The following VWDE variants were observed in gnomAD, a reference collection of about 807,000 sequenced individuals.
VWDE encodes the protein von Willebrand factor D and EGF domain-containing protein.
Under a neutral mutation model 178.4 loss-of-function variants are expected in VWDE, and 207 were observed. The ratio of observed to expected loss-of-function variants is 1.16; its 90% CI spans 1.04 to 1.30. The LOEUF (loss-of-function observed/expected upper bound fraction) is 1.30, where lower values mean the gene tolerates loss of function less well. Among genes scored for constraint, VWDE ranks in the 50% most tolerant of loss-of-function variants. The probability of loss-of-function intolerance (pLI) is 0.00; values close to 1 mark genes in which losing one functional copy is unlikely to be tolerated. For missense variants in VWDE, 2,287 were observed against 1,901.3 expected (o/e 1.20, Z -3.77); for synonymous variants, 738 against 651.4 (o/e 1.13, Z -2.02).
At chr7:12,388,456 G>C (rs1295626438) in intron 3 of VWDE, among the ~76,000 whole-genome samples, 2 of 151,984 alleles carry the variant, frequency 1.3e-5, no homozygotes, top group Non-Finnish European at 2.9e-5. Flanking sequence ...ACCAAAATGA[G>C]GGAAGTTATT....
intron 1 of VWDE, among the ~76,000 whole-genome samples, chr7:12,401,173 C>T (rs972010498): frequency 6.6e-6 from 1 of 152,068 alleles, no homozygotes; most frequent in African/African-American, 2.4e-5. Flanking sequence ...CTACTCTCAC[C>T]TTTTCAATGC....
chr7:12,367,892 A>C lies in VWDE; in HGVS notation c.2762-399T>G, dbSNP rs1158696888. Among the ~76,000 whole-genome samples the C allele has an allele frequency of 5.3e-5, 8 of 152,246 alleles. No homozygotes were observed. The East Asian group carries it at 1.4e-3, about 26-fold the overall frequency. ...AATAAAATATAGTAGTTAGTAATGC[A>C]ATGTATTAAAATTTCAAAATGTCAT... is the stretch of plus-strand genomic sequence containing the variant. On this transcript the variant is annotated intron_variant, in intron 12 of 28. Coordinates refer to ENST00000275358, the MANE Select transcript of VWDE (RefSeq NM_001135924.3).
intron 12 of VWDE, 56 bp downstream of exon 12, chr7:12,369,489 A>G (rs1447320792): frequency 3.4e-6 from 5 of 1,458,774 alleles, no homozygotes; most frequent in South Asian, 1.5e-5. Context: ...AAGATCAAAC[A>G]CATTTTTATA....
chr7:12,358,687 A>AT (rs1342876591), intron 16 of VWDE, among the ~76,000 whole-genome samples: 1 of 152,218 alleles, frequency 6.6e-6, no homozygotes, highest in Non-Finnish European at 1.5e-5. Context: ...TTTAAAAGAC[A>AT]TGACATTTTT....
chr7:12,342,037 T>C (rs1177725680), intron 23 of VWDE, 22 bp downstream of exon 23: 1 of 1,528,938 alleles, frequency 6.5e-7, no homozygotes, highest in East Asian at 2.5e-5. Context: ...GACATGTTCA[T>C]TGAAAATATT....
intron 9 of VWDE, among the ~76,000 whole-genome samples, chr7:12,373,698 A>G (rs925105704): frequency 2.0e-5 from 3 of 152,222 alleles, no homozygotes; most frequent in African/African-American, 7.2e-5. Flanking sequence ...TCCCCTTTGC[A>G]AAAGCCAGCT....
At chr7:12,348,185 CA>C (rs1167191324) in intron 19 of VWDE, among the ~76,000 whole-genome samples, 17 of 111,454 alleles carry the variant, frequency 1.5e-4, no homozygotes, top group African/African-American at 7.0e-4. Flanking sequence ...ATGTCTAAAA[CA>C]CCAAAAGCAA....
At chr7:12,347,576 G>T (rs973737396) in intron 19 of VWDE, among the ~76,000 whole-genome samples, 1 of 151,992 alleles carries the variant, frequency 6.6e-6, no homozygotes, top group East Asian at 1.9e-4. Flanking sequence ...AGAAAGCTCA[G>T]AAATATATCT....
At position 12,380,691 on chromosome 7, in the gene VWDE, G is replaced by A; in HGVS notation, c.584C>T (p.Pro195Leu). 1 of 1,551,892 alleles carries A rather than the reference G, an allele frequency of 6.4e-7. No individual in the cohort carries two copies. Among genetic ancestry groups the A allele is most frequent in the Non-Finnish European group, 8.7e-7 (1 of 1,147,018 alleles). ...CTCAATCAACTCCACCAGAACCTCTGGCCTTCCTGCAGGTGGAGGTGGCAA... is the reference window on the plus strand; with the variant it reads ...CTCAATCAACTCCACCAGAACCTCTAGCCTTCCTGCAGGTGGAGGTGGCAA... ...ASLPPPPAGRPEVLVELIESR... is the reference protein window; with the variant it reads ...ASLPPPPAGRLEVLVELIESR... Residue 195 changes from proline to leucine, a missense_variant, in exon 5 of 29, where the codon CCA becomes CTA. Coordinates refer to ENST00000275358, the MANE Select transcript of VWDE (RefSeq NM_001135924.3).
chr7:12,398,924 A>G (rs569889870), intron 1 of VWDE, among the ~76,000 whole-genome samples: 2 of 152,246 alleles, frequency 1.3e-5, no homozygotes, highest in South Asian at 2.1e-4. Context: ...TAAGGGTTGA[A>G]AAACTACCTA....
Position 12,377,874 on chromosome 7 carries a change from T to C in VWDE, c.926A>G (p.Tyr309Cys), listed in dbSNP as rs772909476. Reference protein sequence around the residue: ...STISEDGKEYYLRIESTVPII... With the variant: ...STISEDGKEYCLRIESTVPII... ...AGGAACTGTGCTTTCTATCCTCAGG[T>C]AGTATTCTTTCCCATCCTCTGATAT... The change falls in exon 7 of 29, where the codon TAC (tyrosine) becomes TGC (cysteine). Residue 309 changes from tyrosine (Y) to cysteine (C), a missense_variant. Physicochemically the swap from Tyr to Cys is radical, Grantham distance 194. Transcript: ENST00000275358. The C allele has an allele frequency of 2.6e-6, 4 of 1,524,076 alleles. No individual in the cohort carries two copies. Among genetic ancestry groups the C allele is most frequent in the East Asian group, 2.5e-5 (1 of 39,880 alleles). The allele number at this position is 1,524,076 out of a possible 1,614,324, so 94.4% of individuals were successfully genotyped here.
chr7:12,362,412 TCTA>T (rs1782637542), intron 13 of VWDE, among the ~76,000 whole-genome samples: 1 of 152,122 alleles, frequency 6.6e-6, no homozygotes, highest in Non-Finnish European at 1.5e-5. Context: ...CTAAATAAAC[TCTA>T]CTTAGTTCAC....
chr7:12,346,661 C>A (rs867014659), intron 19 of VWDE, among the ~76,000 whole-genome samples: 1 of 151,990 alleles, frequency 6.6e-6, no homozygotes, highest in African/African-American at 2.4e-5. Flanking sequence ...CAAAATACTT[C>A]ATTTCCTTAT....
chr7:12,373,250 A>G lies in VWDE; in HGVS notation c.1317-3T>C, dbSNP rs1283241335. 4 of 1,548,690 alleles carry G rather than the reference A, an allele frequency of 2.6e-6. No individual in the cohort carries two copies. The highest frequency in any genetic ancestry group is 3.5e-6 in the Non-Finnish European group (4 of 1,146,206). On this transcript the variant is annotated splice_polypyrimidine_tract_variant and splice_region_variant and intron_variant, in intron 9 of 28. Transcript: ENST00000275358. ...CAGTCTTGAAATTATCATATACCCT[A>G]TCATTAACAAAAGGCAATTGCATTA...
chr7:12,357,641 C>T (rs1317482217), intron 16 of VWDE, 126 bp from the exon 17 acceptor site: 2 of 1,087,428 alleles, frequency 1.8e-6, no homozygotes, highest in African/African-American at 1.6e-5. Flanking sequence ...CTATTAGCTG[C>T]TTTCATTTTT....
In VWDE at chr7:12,343,185, A is replaced by G. The variant is rs953941135; in HGVS notation, c.4079-7T>C. ...CAAGGTGGGTTACAATGTTCTGCAGAAACAGATTATGTTATTATGTCAGTT... is the reference window on the plus strand; with the variant it reads ...CAAGGTGGGTTACAATGTTCTGCAGGAACAGATTATGTTATTATGTCAGTT... On this transcript the variant is annotated splice_region_variant and splice_polypyrimidine_tract_variant and intron_variant, in intron 21 of 28. Coordinates refer to ENST00000275358, the MANE Select transcript of VWDE (RefSeq NM_001135924.3). 3.2e-6 allele frequency: 5 copies of G among 1,543,132 alleles called. No homozygotes were observed. The highest frequency in any genetic ancestry group is 1.4e-5 in the African/African-American group (1 of 72,766).
rs1412643981 is a variant in VWDE, at chr7:12,343,150, A to T, written c.4107T>A (p.Gly1369=). The T allele has an allele frequency of 1.3e-6, 2 of 1,549,844 alleles. No individual in the cohort carries two copies. Among genetic ancestry groups the T allele is most frequent in the Admixed American group, 3.9e-5 (2 of 50,948 alleles). The change falls in exon 22 of 29, where the codon GGT becomes GGA. Residue 1369 remains glycine (G), a synonymous_variant. Transcript: ENST00000275358. The part of the protein sequence containing the change: ...EEHCNPPCQH[G]GTCLAGNLCT... ...AGAGATTCCCAGCCAAGCATGTGCC[A>T]CCATGTTGACAAGGTGGGTTACAAT...
chr7:12,346,953 G>A (rs767300926), intron 19 of VWDE, among the ~76,000 whole-genome samples: 5 of 152,050 alleles, frequency 3.3e-5, no homozygotes, highest in East Asian at 1.9e-4. Flanking sequence ...AACATAGTTG[G>A]CAACAAGTGC....
chr7:12,343,173 A>T lies in VWDE; in HGVS notation c.4084T>A (p.Cys1362Ser), dbSNP rs1359175172. 6.5e-7 allele frequency: 1 copy of T among 1,547,942 alleles called. No homozygotes were observed. The highest frequency in any genetic ancestry group is 2.5e-5 in the East Asian group (1 of 40,800). Reference protein sequence around the residue: ...HGGATCDEEHCNPPCQHGGTC... With the variant: ...HGGATCDEEHSNPPCQHGGTC... ...CCACCATGTTGACAAGGTGGGTTAC[A>T]ATGTTCTGCAGAAACAGATTATGTT... Residue 1362 changes from cysteine to serine, a missense_variant, in exon 22 of 29, where the codon TGT becomes AGT. Coordinates refer to ENST00000275358, the MANE Select transcript of VWDE (RefSeq NM_001135924.3).
Sources: gnomAD v4.1 joint callset for allele counts (sites outside exome capture counted in the v4.1 genomes callset) on GRCh38, gnomAD v4.1.1 for gene constraint, MANE v1.5 for transcripts, NCBI Gene and HGNC (gene_info 2026-07-23, HGNC 2026-07-21) for gene names.